The following SGCG variants were observed in gnomAD, a reference collection of about 807,000 sequenced individuals.
SGCG encodes gamma-sarcoglycan.
SGCG carries 26 observed loss-of-function variants against 29.3 expected under a neutral mutation model. The ratio of observed to expected loss-of-function variants is 0.89; its 90% confidence interval spans 0.65 to 1.23. The LOEUF is 1.23. Among genes scored for constraint, SGCG ranks in the 50% most tolerant of loss-of-function variants. The probability of loss-of-function intolerance (pLI) is 0.00; values close to 1 mark genes in which losing one functional copy is unlikely to be tolerated. For synonymous variants in SGCG, 145 were observed against 129.7 expected (o/e 1.12, Z -0.80); for missense variants, 353 against 356.0 (o/e 0.99, Z 0.07).
intron 3 of SGCG, chr13:23,243,911 T>C (rs758594268): frequency 7.9e-5 from 12 of 152,174 alleles, no homozygotes; most frequent in Admixed American, 1.3e-4. Context: ...AAACAAGTGT[T>C]AAGGTGACAT....
intron 6 of SGCG, among the ~76,000 whole-genome samples, chr13:23,298,216 C>T (rs1045395292): frequency 5.9e-5 from 9 of 151,868 alleles, no homozygotes; most frequent in Non-Finnish European, 1.0e-4. Context: ...ATTAGCCAGG[C>T]GTGGTGGCAC....
chr13:23,310,074 TTC>T (rs1882508168), intron 6 of SGCG, among the ~76,000 whole-genome samples: 1 of 142,710 alleles, frequency 7.0e-6, no homozygotes, highest in African/African-American at 2.6e-5. Context: ...TGCCTTGTTT[TTC>T]TCTTTTTTTT....
chr13:23,316,234 G>C (rs1252086137), intron 6 of SGCG, among the ~76,000 whole-genome samples: 1 of 152,192 alleles, frequency 6.6e-6, no homozygotes, highest in Non-Finnish European at 1.5e-5. Flanking sequence ...GAAGGGCAGA[G>C]GTTTGTCCTC....
At chr13:23,200,315 T>C (rs1877689837) in intron 1 of SGCG, among the ~76,000 whole-genome samples, 1 of 150,196 alleles carries the variant, frequency 6.7e-6, no homozygotes, top group African/African-American at 2.4e-5. Flanking sequence ...CCCAGCTGCT[T>C]GGGAGACCGA....
At chr13:23,319,260 T>C (rs536734495) in intron 6 of SGCG, among the ~76,000 whole-genome samples, 2 of 150,448 alleles carry the variant, frequency 1.3e-5, no homozygotes, top group African/African-American at 2.4e-5. Flanking sequence ...ACCACACCAC[T>C]GTATTCTCTA....
At chr13:23,218,228 G>A (rs1878505677) in intron 2 of SGCG, among the ~76,000 whole-genome samples, 1 of 152,132 alleles carries the variant, frequency 6.6e-6, no homozygotes, top group Non-Finnish European at 1.5e-5. Flanking sequence ...ACATGTTAGT[G>A]TTCATTATAC....
chr13:23,170,014 T>C, the SGCG span: 27 of 152,196 alleles, frequency 1.8e-4, no homozygotes, highest in African/African-American at 7.2e-5. Flanking sequence ...CTTCAAGCAC[T>C]ATCCGATTCA....
At chr13:23,234,367 TTGAG>T (rs1439843964) in intron 2 of SGCG, among the ~76,000 whole-genome samples, 4 of 152,194 alleles carry the variant, frequency 2.6e-5, no homozygotes, top group African/African-American at 4.8e-5. Flanking sequence ...TGATGGGCTC[TTGAG>T]TATTATAAAA....
intron 6 of SGCG, among the ~76,000 whole-genome samples, chr13:23,300,843 C>T (rs1174180893): frequency 3.4e-5 from 5 of 148,028 alleles, no homozygotes; most frequent in Admixed American, 2.7e-4. Flanking sequence ...GGGCCGGGCG[C>T]GGTGGCTCAC....
At chr13:23,216,029 G>T (rs1022264316) in intron 2 of SGCG, among the ~76,000 whole-genome samples, 1 of 152,116 alleles carries the variant, frequency 6.6e-6, no homozygotes, top group Admixed American at 6.5e-5. Context: ...TCTTAGCAAT[G>T]AAACATATTA....
intron 3 of SGCG, among the ~76,000 whole-genome samples, chr13:23,249,012 AC>A (rs371673632): frequency 0.23 from 32,549 of 141,824 alleles, 4,590 homozygotes; most frequent in South Asian, 0.39. Context: ...AAAAAAAAAA[AC>A]AAACCTCAAT....
intron 4 of SGCG, among the ~76,000 whole-genome samples, chr13:23,273,532 C>T (rs974982970): frequency 7.2e-5 from 11 of 152,176 alleles, no homozygotes; most frequent in African/African-American, 2.2e-4. Context: ...GAAATTTCCT[C>T]TTGTCACTGC....
Position 23,324,409 on chromosome 13 carries a change from G to A in SGCG, c.744G>A (p.Val248=). The A allele has an allele frequency of 1.2e-6, 2 of 1,614,194 alleles. No homozygotes were observed. The highest frequency in any genetic ancestry group is 1.7e-6 in the Non-Finnish European group (2 of 1,180,040). The change falls in exon 8 of 8, where the codon GTG becomes GTA. Residue 248 remains valine, a synonymous_variant. Coordinates refer to ENST00000218867, the MANE Select transcript of SGCG (RefSeq NM_000231.3). The part of the protein sequence containing the change: ...DAETVCLPKL[V]QGTWGPSGSS... ...AAACTGTGTGCTTACCCAAGCTGGT[G>A]CAGGGGACGTGGGGTCCCTCTGGCA...
At chr13:23,213,989 G>C (rs1878332043) in intron 2 of SGCG, among the ~76,000 whole-genome samples, 1 of 152,186 alleles carries the variant, frequency 6.6e-6, no homozygotes, top group Non-Finnish European at 1.5e-5. Flanking sequence ...CTCTGAAACT[G>C]ACCCAGTTGT....
At chr13:23,165,679 C>G in the SGCG span, among the ~76,000 whole-genome samples, 1 of 151,566 alleles carries the variant, frequency 6.6e-6, no homozygotes, top group Admixed American at 6.6e-5. Flanking sequence ...CGCTTGCCAC[C>G]ACGCCCAGCT....
intron 4 of SGCG, among the ~76,000 whole-genome samples, chr13:23,265,612 A>G (rs1181561203): frequency 6.6e-6 from 1 of 152,094 alleles, no homozygotes; most frequent in Non-Finnish European, 1.5e-5. Flanking sequence ...TAGGCAAAAG[A>G]CATTAATAGA....
At chr13:23,176,380 C>T (rs1280049185), upstream of SGCG, among the ~76,000 whole-genome samples, 1 of 152,086 alleles carries the variant, frequency 6.6e-6, no homozygotes, top group Non-Finnish European at 1.5e-5. Context: ...TTTCAAAGTA[C>T]ATATAGATCT....
At chr13:23,262,460 A>AG (rs1179877574) in intron 4 of SGCG, among the ~76,000 whole-genome samples, 3 of 152,012 alleles carry the variant, frequency 2.0e-5, no homozygotes, top group Admixed American at 6.6e-5. Flanking sequence ...AGCTATAACA[A>AG]TCCTCAATAT....
chr13:23,193,669 A>G (rs1877371093), intron 1 of SGCG, among the ~76,000 whole-genome samples: 1 of 152,180 alleles, frequency 6.6e-6, no homozygotes, highest in Non-Finnish European at 1.5e-5. Flanking sequence ...TTACTTTTTA[A>G]CAAGTGCAGT....
Sources: allele counts gnomAD v4.1 joint callset (sites outside exome capture counted in the v4.1 genomes callset), GRCh38; gene constraint gnomAD v4.1.1; transcripts MANE v1.5; gene names NCBI Gene and HGNC (gene_info 2026-07-23, HGNC 2026-07-21).